ZFAT: variants seen among roughly 807,000 people sequenced by gnomAD.
The protein encoded by ZFAT is zinc finger protein ZFAT.
ZFAT carries 64 observed loss-of-function variants against 117.7 expected under a neutral mutation model. The observed-to-expected ratio is 0.54, with a 90% CI of 0.44 to 0.67. ZFAT has a LOEUF of 0.67. Ranked by LOEUF, ZFAT falls within the 30% of genes least tolerant of loss-of-function variation. The pLI, the probability that ZFAT is intolerant of heterozygous loss-of-function variation, is 0.00. For synonymous variants in ZFAT, 679 were observed against 615.0 expected, an observed-to-expected ratio of 1.10 and a Z score of -1.54; for missense variants, 1,433 against 1,584.5, an observed-to-expected ratio of 0.90 and a Z score of 1.62.
the ZFAT span, among the ~76,000 whole-genome samples, chr8:134,813,825 C>G: frequency 6.6e-6 from 1 of 151,426 alleles, no homozygotes; most frequent in East Asian, 1.9e-4. Context: ...CACACACACA[C>G]ACACACACAC....
intron 1 of ZFAT, among the ~76,000 whole-genome samples, chr8:134,660,525 G>A (rs749089588): frequency 6.3e-4 from 96 of 152,226 alleles, no homozygotes; most frequent in Admixed American, 1.1e-3. Flanking sequence ...TGCCACAAGA[G>A]GAGGCCACCA....
chr8:134,751,243 A>G, the ZFAT span, among the ~76,000 whole-genome samples: 1 of 152,156 alleles, frequency 6.6e-6, no homozygotes, highest in Non-Finnish European at 1.5e-5. Context: ...GTTGGGATTC[A>G]AGTGGTCTGA....
intron 11 of ZFAT, among the ~76,000 whole-genome samples, chr8:134,554,900 C>T (rs7463007): frequency 0.34 from 52,389 of 151,986 alleles, 9,337 homozygotes; most frequent in East Asian, 0.67. Flanking sequence ...GAAAACCAAC[C>T]CTAGAGTTGT....
At chr8:134,622,433 A>G (rs1829184077) in intron 3 of ZFAT, among the ~76,000 whole-genome samples, 1 of 152,220 alleles carries the variant, frequency 6.6e-6, no homozygotes, top group African/African-American at 2.4e-5. Context: ...AATGGTGTGC[A>G]TGCCCCGCGG....
chr8:134,549,837 C>T (rs973475268), intron 11 of ZFAT, among the ~76,000 whole-genome samples: 1 of 152,062 alleles, frequency 6.6e-6, no homozygotes, highest in African/African-American at 2.4e-5. Flanking sequence ...ACCAGACCCC[C>T]GTGACCCACT....
At chr8:134,653,408 C>T (rs1042151540) in intron 2 of ZFAT, among the ~76,000 whole-genome samples, 9 of 140,114 alleles carry the variant, frequency 6.4e-5, no homozygotes, top group African/African-American at 1.8e-4. Flanking sequence ...CAGGCACAAG[C>T]CGTTTTATCT....
intron 15 of ZFAT, among the ~76,000 whole-genome samples, chr8:134,499,250 C>G (rs1343383073): frequency 7.4e-5 from 8 of 107,636 alleles, no homozygotes; most frequent in African/African-American, 1.1e-4. Context: ...CACACAGAGC[C>G]TGATTTGGTA....
the ZFAT span, among the ~76,000 whole-genome samples, chr8:134,730,846 G>A: frequency 6.6e-6 from 1 of 152,164 alleles, no homozygotes; most frequent in East Asian, 1.9e-4. Context: ...GAAATATTCT[G>A]GTTTCTTTTC....
chr8:134,570,148 G>T (rs555687375), intron 10 of ZFAT, among the ~76,000 whole-genome samples: 1 of 152,100 alleles, frequency 6.6e-6, no homozygotes, highest in Non-Finnish European at 1.5e-5. Flanking sequence ...CCCAGAGCCC[G>T]GGGTGTCCAT....
At chr8:134,712,811 A>T (rs750843192) in intron 1 of ZFAT, 34 bp downstream of exon 1, 2 of 656,090 alleles carry the variant, frequency 3.0e-6, no homozygotes, top group Non-Finnish European at 2.1e-6. Context: ...CCCCACCCCC[A>T]CCCCGTCTCA....
chr8:134,748,671 C>A, the ZFAT span, among the ~76,000 whole-genome samples: 1 of 152,338 alleles, frequency 6.6e-6, no homozygotes, highest in African/African-American at 2.4e-5. Context: ...TACTGATTCA[C>A]ATTCTTATCA....
intron 14 of ZFAT, chr8:134,511,061 G>A (rs916022897): frequency 6.6e-6 from 1 of 152,342 alleles, no homozygotes; most frequent in Non-Finnish European, 1.5e-5. Flanking sequence ...TGTCCCTTCT[G>A]AGAGCTGCAA....
the ZFAT span, among the ~76,000 whole-genome samples, chr8:134,799,505 C>A: frequency 2.0e-5 from 3 of 152,108 alleles, no homozygotes; most frequent in Non-Finnish European, 4.4e-5. Context: ...AACGTTTAGA[C>A]CAATCAGTAC....
At chr8:134,557,399 G>C (rs561767520) in intron 11 of ZFAT, among the ~76,000 whole-genome samples, 1 of 152,318 alleles carries the variant, frequency 6.6e-6, no homozygotes, top group African/African-American at 2.4e-5. Context: ...ATGGGATCCT[G>C]AAATAGGCAA....
Position 134,577,608 on chromosome 8 carries a change from C to T in ZFAT, c.2887+6224G>A, listed in dbSNP as rs1452320951. 4.6e-5 allele frequency among the ~76,000 whole-genome samples: 7 copies of T among 152,290 alleles called. No homozygotes were observed. The East Asian group carries it at 7.7e-4, about 17-fold the overall frequency. On this transcript the variant is annotated intron_variant, in intron 10 of 15. Coordinates refer to ENST00000377838, the MANE Select transcript of ZFAT (RefSeq NM_020863.4). ...ACATTTTCCACTCATTCAATAAACA[C>T]AAATTTATTGAGTGCCTATGATAAG...
At chr8:134,826,723 A>G in the ZFAT span, among the ~76,000 whole-genome samples, 1 of 152,248 alleles carries the variant, frequency 6.6e-6, no homozygotes, top group Admixed American at 6.5e-5. Context: ...AAAAATGTTC[A>G]TAAACTTAAG....
chr8:134,713,792 C>T (rs1347359886), upstream of ZFAT, among the ~76,000 whole-genome samples: 4 of 152,074 alleles, frequency 2.6e-5, no homozygotes, highest in Non-Finnish European at 5.9e-5. Flanking sequence ...CAGCCCCTAA[C>T]CCTCACCCCC....
chr8:134,486,836 G>T (rs571833770), intron 15 of ZFAT, among the ~76,000 whole-genome samples: 1 of 152,312 alleles, frequency 6.6e-6, no homozygotes, highest in African/African-American at 2.4e-5. Flanking sequence ...CCAATCGAAG[G>T]CTAGATGCAG....
In ZFAT at chr8:134,499,830, CACCA is replaced by C. The variant is rs1563777811; in HGVS notation, c.3492+9785_3492+9788del. On this transcript the variant is annotated intron_variant, in intron 15 of 15. Transcript: ENST00000377838. ...TGAGGCCCCTTGTGAAGCAGGAGGC[CACCA>C]CATGTGCTGACAGGGCAGACGTCCG... Among the ~76,000 whole-genome samples, 19 of 152,316 alleles carry C rather than the reference CACCA, an allele frequency of 1.2e-4. 1 individual carries two copies. The highest frequency in any genetic ancestry group is 4.1e-4 in the African/African-American group (17 of 41,574).
Sources: allele counts gnomAD v4.1 joint callset (sites outside exome capture counted in the v4.1 genomes callset), GRCh38; gene constraint gnomAD v4.1.1; transcripts MANE v1.5; gene names NCBI Gene and HGNC (gene_info 2026-07-23, HGNC 2026-07-21).